The following ERMN variants were observed in gnomAD, a reference collection of about 807,000 sequenced individuals.
The protein encoded by ERMN is ermin, ERM-like protein.
In ERMN, 17 loss-of-function variants were observed where a neutral mutation model predicts 21.4. The observed-to-expected ratio is 0.80, with a 90% CI of 0.54 to 1.19. The LOEUF (loss-of-function observed/expected upper bound fraction) is 1.19, where lower values mean the gene tolerates loss of function less well. Ranked by LOEUF, ERMN falls within the 50% of genes most tolerant of loss-of-function variation. ERMN has a pLI of 0.00. For synonymous variants in ERMN, 115 were observed against 111.9 expected, an observed-to-expected ratio of 1.03 and a Z score of -0.17; for missense variants, 348 against 331.6, an observed-to-expected ratio of 1.05 and a Z score of -0.38.
chr2:157,327,621 A>C (rs1365709839), upstream of ERMN: 2 of 654,086 alleles, frequency 3.1e-6, no homozygotes, highest in East Asian at 5.5e-5. Context: ...AGATGAAGCT[A>C]AGCGCCATCC....
chr2:157,321,561 C>T lies in ERMN; in HGVS notation c.565G>A (p.Asp189Asn). The change falls in exon 3 of 3, where the codon GAT (aspartate) becomes AAT (asparagine). Residue 189 changes from aspartate (D) to asparagine (N), a missense_variant. By Grantham distance (23) the Asp-to-Asn change is conservative. Coordinates refer to ENST00000410096, the MANE Select transcript of ERMN (RefSeq NM_020711.3). The stretch of plus-strand genomic sequence containing the variant: ...TCATTATTGCAATTATCATCATCAT[C>T]ATCATCAATTTCTTCATCCCAAACC... ...QKVWDEEIDD[D>N]DDDNCNNDED... is the part of the protein sequence containing the mutation. 2 of 1,614,006 alleles carry T rather than the reference C, an allele frequency of 1.2e-6. No individual in the cohort carries two copies. The highest frequency in any genetic ancestry group is 8.5e-7 in the Non-Finnish European group (1 of 1,179,972).
intron 2 of ERMN, chr2:157,324,350 G>A: frequency 3.8e-6 from 1 of 266,602 alleles, no homozygotes; most frequent in South Asian, 4.7e-5. Flanking sequence ...CCTTTCACAA[G>A]GTGCACACAC....
At position 157,325,441 on chromosome 2, in the gene ERMN, T is replaced by C. The variant is rs768015626; in HGVS notation, c.202A>G (p.Met68Val). 38 of 1,614,030 alleles carry C rather than the reference T, an allele frequency of 2.4e-5. No homozygotes were observed. The Admixed American group carries it at 5.7e-4, about 24-fold the overall frequency. ...TCCTCCATGGATGAGTTGAGCAGCA[T>C]GTTCCCTTGTAATTTTCTTCTTTCC... is the stretch of plus-strand genomic sequence containing the variant. The part of the protein sequence containing the change: ...QEERRKLQGN[M>V]LLNSSMEDKM... The change falls in exon 1 of 3, where the codon ATG (methionine) becomes GTG (valine). Residue 68 changes from methionine (M) to valine (V), a missense_variant. Met to Val is a conservative substitution (Grantham distance 21). Coordinates refer to ENST00000410096, the MANE Select transcript of ERMN (RefSeq NM_020711.3).
chr2:157,322,317 C>T (rs1683933602), intron 2 of ERMN, among the ~76,000 whole-genome samples: 1 of 152,004 alleles, frequency 6.6e-6, no homozygotes. Context: ...AAAAAATGCT[C>T]GTTTCCAATA....
At position 157,325,783 on chromosome 2, in the gene ERMN, T is replaced by C; in HGVS notation, c.-141A>G. On this transcript the variant is annotated 5_prime_UTR_variant, in exon 1 of 3. An upstream start codon of the reference 5' UTR is lost. Coordinates refer to ENST00000410096, the MANE Select transcript of ERMN (RefSeq NM_020711.3). Reference sequence around the variant, plus strand: ...AGCACAAATTATTCACTTTAGTACATAATAACAAGGTTCTTTTCCTAAAAG... The same window carrying C: ...AGCACAAATTATTCACTTTAGTACACAATAACAAGGTTCTTTTCCTAAAAG... The C allele has an allele frequency of 7.3e-6, 11 of 1,516,990 alleles. No homozygotes were observed. In the South Asian group the frequency reaches 9.2e-5, roughly 13 times the overall value. The allele number at this position is 1,516,990 out of a possible 1,614,324, so 94.0% of individuals were successfully genotyped here. A position where few individuals can be genotyped will look rare whatever the true frequency, so the allele number is the denominator to read the frequency against.
rs1684016872 is a variant in ERMN at position 157,324,739 on chromosome 2, T to C, written c.265A>G (p.Ile89Val). 2 of 1,611,306 alleles carry C rather than the reference T, an allele frequency of 1.2e-6. No individual in the cohort carries two copies. The highest frequency in any genetic ancestry group is 1.1e-5 in the South Asian group (1 of 90,136). ...LKENPEEKLF[I>V]VHKAITDLSL... ...AGATCTGTGATAGCCTTATGAACAA[T>C]AAAGAGTTTCTCTTCTGGGTTTTCT... is the stretch of plus-strand genomic sequence containing the variant. The change falls in exon 2 of 3, where the codon ATT (isoleucine) becomes GTT (valine). Residue 89 changes from isoleucine (I) to valine (V), a missense_variant. Physicochemically the swap from Ile to Val is conservative, Grantham distance 29 (BLOSUM62 3). Transcript: ENST00000410096.
At position 157,325,768 on chromosome 2, in the gene ERMN, A is replaced by G. The variant is rs1405389770; in HGVS notation, c.-126T>C. ...AACTCCTACTCTAAGAGCACAAATTATTCACTTTAGTACATAATAACAAGG... is the reference window on the plus strand; with the variant it reads ...AACTCCTACTCTAAGAGCACAAATTGTTCACTTTAGTACATAATAACAAGG... On this transcript the variant is annotated 5_prime_UTR_variant, in exon 1 of 3. Transcript: ENST00000410096. The G allele has an allele frequency of 7.7e-6, 12 of 1,552,642 alleles. No individual in the cohort carries two copies. The highest frequency in any genetic ancestry group is 1.4e-5 in the African/African-American group (1 of 73,458).
chr2:157,325,977 T>G, upstream of ERMN: 1 of 1,168,918 alleles, frequency 8.6e-7, no homozygotes, highest in East Asian at 4.5e-5. Flanking sequence ...AATCAGGCTT[T>G]TGTGTTGGCA....
At chr2:157,325,101 T>TACAGTAGTTA (rs1336993933) in intron 1 of ERMN, 8 of 530,354 alleles carry the variant, frequency 1.5e-5, no homozygotes, top group Non-Finnish European at 2.9e-5. Flanking sequence ...TCATAATAAA[T>TACAGTAGTTA]ACAGTAGTTA....
chr2:157,324,623 A>G (rs1684011465), intron 2 of ERMN, 47 bp downstream of exon 2: 3 of 1,408,010 alleles, frequency 2.1e-6, no homozygotes, highest in Non-Finnish European at 2.0e-6. Flanking sequence ...ACTGTCATCC[A>G]TACTCAGTCA....
rs577984426 is a variant in ERMN at position 157,320,176 on chromosome 2, T to A, written c.*1095A>T. 2 of 152,728 alleles carry A rather than the reference T, an allele frequency of 1.3e-5. No individual in the cohort carries two copies. The highest frequency in any genetic ancestry group is 1.3e-4 in the Admixed American group (2 of 15,288). 9.5% of individuals were successfully genotyped at this position (152,728 alleles called of 1,614,324 possible). On this transcript the variant is annotated 3_prime_UTR_variant, in exon 3 of 3. Transcript: ENST00000410096. ...ACGTTATTTGACACATTGGTTTGAG[T>A]GAAGCTCCACAAGTACAATTTTAAG...
At chr2:157,321,975 AAC>A (rs1452316717) in intron 2 of ERMN, among the ~76,000 whole-genome samples, 184 bp from the exon 3 acceptor site, 2 of 152,226 alleles carry the variant, frequency 1.3e-5, no homozygotes, top group African/African-American at 4.8e-5. Context: ...TAATTTCAAA[AAC>A]ACTGCATTAA....
chr2:157,324,658 A>T lies in ERMN; in HGVS notation c.334+12T>A. The T allele has an allele frequency of 6.3e-7, 1 of 1,590,034 alleles. No homozygotes were observed. The highest frequency in any genetic ancestry group is 8.6e-7 in the Non-Finnish European group (1 of 1,158,944). On this transcript the variant is annotated intron_variant, in intron 2 of 2. Transcript: ENST00000410096. Reference sequence around the variant, plus strand: ...AAACAATTTCTGTGTACAAAACTGTAGTTCTTGTTACCTTCTCTGAATGTC... The same window carrying T: ...AAACAATTTCTGTGTACAAAACTGTTGTTCTTGTTACCTTCTCTGAATGTC...
chr2:157,320,164 C>T lies in ERMN; in HGVS notation c.*1107G>A, dbSNP rs898605147. On this transcript the variant is annotated 3_prime_UTR_variant, in exon 3 of 3. Coordinates refer to ENST00000410096, the MANE Select transcript of ERMN (RefSeq NM_020711.3). ...TAAATATTCAATACGTTATTTGACA[C>T]ATTGGTTTGAGTGAAGCTCCACAAG... is the stretch of plus-strand genomic sequence containing the variant. 3 of 152,530 alleles carry T rather than the reference C, an allele frequency of 2.0e-5. No homozygotes were observed. The highest frequency in any genetic ancestry group is 4.4e-5 in the Non-Finnish European group (3 of 68,018). The allele number at this position is 152,530 out of a possible 1,614,324, so 9.4% of individuals were successfully genotyped here. A position where few individuals can be genotyped will look rare whatever the true frequency, so the allele number is the denominator to read the frequency against.
rs1168817665 is a variant in ERMN at position 157,319,233 on chromosome 2, T to A, written c.*2038A>T. The A allele has an allele frequency of 5.3e-5, 8 of 152,204 alleles. No homozygotes were observed. Among genetic ancestry groups the A allele is most frequent in the African/African-American group, 1.9e-4 (8 of 41,464 alleles). The allele number at this position is 152,204 out of a possible 1,614,324, so 9.4% of individuals were successfully genotyped here. On this transcript the variant is annotated 3_prime_UTR_variant, in exon 3 of 3. Coordinates refer to ENST00000410096, the MANE Select transcript of ERMN (RefSeq NM_020711.3). ...CCATGAACATGAAGCATTTACCAAC[T>A]AAACATACCCTAAAATAGTTTCTGT...
intron 1 of ERMN, 136 bp downstream of exon 1, chr2:157,325,266 C>A: frequency 8.5e-7 from 1 of 1,171,168 alleles, no homozygotes; most frequent in South Asian, 1.3e-5. Context: ...GAGGTTTAGT[C>A]CTTATACTAT....
chr2:157,322,358 C>G (rs1178570862), intron 2 of ERMN, among the ~76,000 whole-genome samples: 1 of 152,050 alleles, frequency 6.6e-6, no homozygotes, highest in African/African-American at 2.4e-5. Flanking sequence ...TGTCTGGTCA[C>G]TTTTCAAACA....
upstream of ERMN, chr2:157,327,429 G>A (rs553009965): frequency 7.3e-4 from 566 of 777,718 alleles, 5 homozygotes; most frequent in South Asian, 7.4e-3. Flanking sequence ...CTTATTATGT[G>A]CAAGCTACTG....
upstream of ERMN, chr2:157,327,334 C>T (rs1242216078): frequency 1.7e-5 from 11 of 643,930 alleles, no homozygotes; most frequent in African/African-American, 5.4e-5. Flanking sequence ...CTCCCTCCCG[C>T]GTCATCACCA....
Sources: allele counts gnomAD v4.1 joint callset (sites outside exome capture counted in the v4.1 genomes callset), GRCh38; gene constraint gnomAD v4.1.1; transcripts MANE v1.5; gene names NCBI Gene and HGNC (gene_info 2026-07-23, HGNC 2026-07-21).